The following BNC2 variants were observed in gnomAD, a reference collection of about 807,000 sequenced individuals.
BNC2 encodes basonuclin zinc finger protein 2.
BNC2 carries 20 observed loss-of-function variants against 76.3 expected under a neutral mutation model. The ratio of observed to expected loss-of-function variants is 0.26; its 90% confidence interval spans 0.18 to 0.38. The LOEUF is 0.38. Among genes scored for constraint, BNC2 ranks in the 10% least tolerant of loss-of-function variants. BNC2 has a pLI of 1.00. For synonymous variants in BNC2, 582 were observed against 514.8 expected (o/e 1.13, Z -1.77); for missense variants, 1,382 against 1,399.8 (o/e 0.99, Z 0.20).
Position 16,616,790 on chromosome 9 carries a change from G to A in BNC2, c.331-33705C>T, listed in dbSNP as rs199973905. On this transcript the variant is annotated intron_variant, in intron 3 of 6. Transcript: ENST00000380672. ...GGATGGGAGGGGAGGGGAGGAAGGAGGGAAGGAAGGAAGGAAGGAAGGAAG... is the reference window on the plus strand; with the variant it reads ...GGATGGGAGGGGAGGGGAGGAAGGAAGGAAGGAAGGAAGGAAGGAAGGAAG... Among the ~76,000 whole-genome samples the A allele has an allele frequency of 0.036, 376 of 10,320 alleles. 6 individuals carry two copies. The East Asian group carries it at 0.38, about 10-fold the overall frequency. The allele number at this position is 10,320 out of a possible 152,430, so 6.8% of individuals were successfully genotyped here.
intron 5 of BNC2, among the ~76,000 whole-genome samples, chr9:16,526,723 T>A (rs1486657958): frequency 5.3e-5 from 8 of 152,114 alleles, no homozygotes; most frequent in Non-Finnish European, 1.2e-4. Flanking sequence ...CCATGATATG[T>A]CAATGGAAAG....
At chr9:16,420,714 T>C (rs1350920822) in intron 6 of BNC2, among the ~76,000 whole-genome samples, 1 of 151,680 alleles carries the variant, frequency 6.6e-6, no homozygotes, top group African/African-American at 2.4e-5. Flanking sequence ...TACATATATA[T>C]ATATAAAGAC....
At chr9:16,699,326 A>G in intron 3 of BNC2, 1 of 372,026 alleles carries the variant, frequency 2.7e-6, no homozygotes, top group Non-Finnish European at 5.3e-6. Flanking sequence ...AAATGTATTA[A>G]TTCAATCAGT....
chr9:16,427,920 T>G (rs900230235), intron 6 of BNC2, among the ~76,000 whole-genome samples: 4 of 152,302 alleles, frequency 2.6e-5, no homozygotes, highest in Middle Eastern at 3.4e-3. Context: ...GAATATAGTT[T>G]TGAAGTGGTT....
intron 5 of BNC2, among the ~76,000 whole-genome samples, chr9:16,540,156 A>AT (rs36075261): frequency 0.041 from 4,807 of 118,364 alleles, 79 homozygotes; most frequent in African/African-American, 0.059. Context: ...ATTTAACGTG[A>AT]TTTTTTTTTT....
At chr9:16,805,947 A>C (rs952308408) in intron 1 of BNC2, among the ~76,000 whole-genome samples, 4 of 152,182 alleles carry the variant, frequency 2.6e-5, no homozygotes, top group Non-Finnish European at 5.9e-5. Flanking sequence ...TTTGATTCTA[A>C]TGTGAAATAG....
chr9:16,794,782 C>T (rs1184973245), intron 1 of BNC2, among the ~76,000 whole-genome samples: 1 of 152,082 alleles, frequency 6.6e-6, no homozygotes, highest in Non-Finnish European at 1.5e-5. Flanking sequence ...GGGTTTAGAC[C>T]TCTCAATCAC....
intron 3 of BNC2, among the ~76,000 whole-genome samples, chr9:16,636,675 G>C (rs1821338287): frequency 6.6e-6 from 1 of 152,126 alleles, no homozygotes; most frequent in African/African-American, 2.4e-5. Context: ...TCCAGTAACA[G>C]ATTCCAAATC....
intron 1 of BNC2, among the ~76,000 whole-genome samples, chr9:16,852,302 T>G (rs1420818700): frequency 1.3e-5 from 2 of 152,186 alleles, no homozygotes; most frequent in East Asian, 3.9e-4. Flanking sequence ...AAAGGATGAT[T>G]TCTGCATACC....
chr9:16,725,660 TA>T (rs1363414686), intron 3 of BNC2, among the ~76,000 whole-genome samples: 4 of 152,230 alleles, frequency 2.6e-5, no homozygotes, highest in Admixed American at 6.5e-5. Flanking sequence ...TCTCTCCATA[TA>T]ATCACTGATG....
At chr9:16,804,084 A>C (rs7861010) in intron 1 of BNC2, among the ~76,000 whole-genome samples, 1 of 152,132 alleles carries the variant, frequency 6.6e-6, no homozygotes, top group African/African-American at 2.4e-5. Flanking sequence ...ACGCTAAAGA[A>C]AATGATGTAC....
chr9:16,835,577 T>C (rs2136053490), intron 1 of BNC2, among the ~76,000 whole-genome samples: 1 of 152,256 alleles, frequency 6.6e-6, no homozygotes. Context: ...GGCACATGCC[T>C]TTAGTCCCAG....
intron 3 of BNC2, among the ~76,000 whole-genome samples, chr9:16,703,806 G>A (rs1260814151): frequency 2.0e-5 from 3 of 152,076 alleles, no homozygotes; most frequent in Non-Finnish European, 2.9e-5. Context: ...TTTGTTACAT[G>A]ACTTTCTGAC....
chr9:16,660,906 T>C (rs567771317), intron 3 of BNC2, among the ~76,000 whole-genome samples: 1 of 152,212 alleles, frequency 6.6e-6, no homozygotes, highest in African/African-American at 2.4e-5. Context: ...ATAGATTATA[T>C]GCATAGTAAT....
chr9:16,785,639 C>T lies in BNC2; in HGVS notation c.4-47154G>A, dbSNP rs540738734. Among the ~76,000 whole-genome samples, 7 of 147,866 alleles carry T rather than the reference C, an allele frequency of 4.7e-5. No homozygotes were observed. In the East Asian group the frequency reaches 1.3e-3, roughly 27 times the overall value. On this transcript the variant is annotated intron_variant, in intron 1 of 6. Transcript: ENST00000380672. ...TCTCAAACTCCTGACCTCAGGTGAT[C>T]GGCCCGCCTCGGCCTCCCAAAGTGC... is the stretch of plus-strand genomic sequence containing the variant.
intron 3 of BNC2, among the ~76,000 whole-genome samples, chr9:16,627,996 C>T (rs369868759): frequency 6.6e-6 from 1 of 152,186 alleles, no homozygotes; most frequent in African/African-American, 2.4e-5. Flanking sequence ...TAGCTAATAA[C>T]GGGTTCAGGC....
At chr9:16,713,773 A>G (rs368880500) in intron 3 of BNC2, among the ~76,000 whole-genome samples, 1 of 152,168 alleles carries the variant, frequency 6.6e-6, no homozygotes, top group East Asian at 1.9e-4. Context: ...AGCTAAAATT[A>G]AAATACTTAC....
chr9:16,530,415 C>T (rs1563827131), intron 5 of BNC2, among the ~76,000 whole-genome samples: 1 of 152,110 alleles, frequency 6.6e-6, no homozygotes, highest in Non-Finnish European at 1.5e-5. Context: ...CATTTCACCC[C>T]CTTCATGAGA....
At chr9:16,818,489 A>G (rs1818238110) in intron 1 of BNC2, among the ~76,000 whole-genome samples, 1 of 152,210 alleles carries the variant, frequency 6.6e-6, no homozygotes, top group Non-Finnish European at 1.5e-5. Context: ...GAAGTCCACA[A>G]TGAGCTGCAT....
Sources: gnomAD v4.1 joint callset for allele counts (sites outside exome capture counted in the v4.1 genomes callset) on GRCh38, gnomAD v4.1.1 for gene constraint, MANE v1.5 for transcripts, NCBI Gene and HGNC (gene_info 2026-07-23, HGNC 2026-07-21) for gene names.